Variants in THSD4 observed in about 807,000 individuals in gnomAD.
The protein encoded by THSD4 is thrombospondin type-1 domain-containing protein 4.
A neutral mutation model predicts 119.0 loss-of-function variants in THSD4; 69 were observed. The ratio of observed to expected loss-of-function variants is 0.58; its 90% CI spans 0.48 to 0.71. The LOEUF (loss-of-function observed/expected upper bound fraction) is 0.71, where lower values mean the gene tolerates loss of function less well. Ranked by LOEUF, THSD4 falls within the 30% of genes least tolerant of loss-of-function variation. THSD4 has a pLI of 0.00. For synonymous variants in THSD4, 524 were observed against 540.4 expected, an observed-to-expected ratio of 0.97 and a Z score of 0.42; for missense variants, 1,393 against 1,391.1, an observed-to-expected ratio of 1.00 and a Z score of -0.02.
chr15:71,438,132 G>A (rs865832150), intron 7 of THSD4, among the ~76,000 whole-genome samples: 2 of 152,028 alleles, frequency 1.3e-5, no homozygotes, highest in Non-Finnish European at 2.9e-5. Context: ...TGCCCTCCTC[G>A]CCCTCGCCCT....
rs142028973 is a variant in THSD4 at position 71,580,304 on chromosome 15, G to A, written c.1153-80226G>A. Among the ~76,000 whole-genome samples the A allele has an allele frequency of 3.2e-3, 491 of 152,214 alleles. 1 individual carries two copies. The highest frequency in any genetic ancestry group is 0.011 in the African/African-American group (469 of 41,538). On this transcript the variant is annotated intron_variant, in intron 7 of 17. Coordinates refer to ENST00000261862, the MANE Select transcript of THSD4 (RefSeq NM_024817.3). ...AAATCCTTAAATGGCAGACTCTAAG[G>A]CGGTTAGGCTCCAGAGTCTAAGCTT... is the stretch of plus-strand genomic sequence containing the variant.
At chr15:71,397,149 G>A (rs548885947) in intron 6 of THSD4, among the ~76,000 whole-genome samples, 11 of 152,268 alleles carry the variant, frequency 7.2e-5, no homozygotes, top group Admixed American at 6.5e-4. Context: ...TTCTACTTCA[G>A]CGATGAGGAA....
intron 3 of THSD4, among the ~76,000 whole-genome samples, chr15:71,190,808 C>T (rs1394235326): frequency 6.6e-6 from 1 of 152,116 alleles, no homozygotes; most frequent in African/African-American, 2.4e-5. Flanking sequence ...GCTTTCTTAC[C>T]TTTTGTGAAT....
intron 7 of THSD4, among the ~76,000 whole-genome samples, chr15:71,459,354 C>G (rs1310615902): frequency 5.6e-5 from 8 of 144,022 alleles, no homozygotes; most frequent in South Asian, 2.4e-4. Flanking sequence ...CTGTCTCTCT[C>G]TCTCTCTCTG....
chr15:71,654,894 C>G (rs1460401534), intron 7 of THSD4, among the ~76,000 whole-genome samples: 1 of 152,128 alleles, frequency 6.6e-6, no homozygotes, highest in Non-Finnish European at 1.5e-5. Flanking sequence ...GAATCAGGAC[C>G]TCCACTATCT....
Position 71,541,447 on chromosome 15 carries a change from C to A in THSD4, c.1153-119083C>A, listed in dbSNP as rs144851742. Among the ~76,000 whole-genome samples the A allele has an allele frequency of 3.9e-3, 598 of 152,310 alleles. 3 individuals carry two copies. Among genetic ancestry groups the A allele is most frequent in the African/African-American group, 0.014 (584 of 41,568 alleles). ...TTTCTGTCCTGAAGCAACTCAGTTT[C>A]CCTCCCTAGAGGTAACCATTGTTGG... On this transcript the variant is annotated intron_variant, in intron 7 of 17. Transcript: ENST00000261862.
rs1353056178 is a variant in THSD4 at position 71,651,188 on chromosome 15, A to G, written c.1153-9342A>G. ...CAGGCCAGGAACCTTGGTCTTCCTT[A>G]CTCCACCTTTGGTAGAACATCCATC... On this transcript the variant is annotated intron_variant, in intron 7 of 17. Coordinates refer to ENST00000261862, the MANE Select transcript of THSD4 (RefSeq NM_024817.3). Among the ~76,000 whole-genome samples, 4 of 152,216 alleles carry G rather than the reference A, an allele frequency of 2.6e-5. No individual in the cohort carries two copies. The East Asian group carries it at 7.7e-4, about 29-fold the overall frequency.
At chr15:71,227,087 A>T (rs1263924102) in intron 4 of THSD4, among the ~76,000 whole-genome samples, 1 of 152,226 alleles carries the variant, frequency 6.6e-6, no homozygotes, top group Non-Finnish European at 1.5e-5. Context: ...TAGCAGAGCT[A>T]GGCCTGATGG....
intron 16 of THSD4, among the ~76,000 whole-genome samples, chr15:71,770,268 G>A (rs1473580050): frequency 1.8e-5 from 2 of 108,708 alleles, no homozygotes; most frequent in Admixed American, 9.9e-5. Context: ...AAAAAAAAAG[G>A]ACTTTCTCAA....
At chr15:71,497,411 G>A (rs1214610108) in intron 7 of THSD4, among the ~76,000 whole-genome samples, 2 of 152,084 alleles carry the variant, frequency 1.3e-5, no homozygotes, top group African/African-American at 2.4e-5. Flanking sequence ...TACTTGGGAA[G>A]CTGAGGCAGG....
rs796266073 is a variant in THSD4, at chr15:71,395,914, G to C, written c.1016-15773G>C. On this transcript the variant is annotated intron_variant, in intron 6 of 17. Transcript: ENST00000261862. ...TCTGCTTCTCAGTGTTTTGAAGAGA[G>C]ACACACACACACACACACACACACA... Among the ~76,000 whole-genome samples the C allele has an allele frequency of 6.0e-3, 799 of 133,380 alleles. 14 individuals carry two copies. Among genetic ancestry groups the C allele is most frequent in the African/African-American group, 0.016 (555 of 34,670 alleles). 87.5% of individuals were successfully genotyped at this position (133,380 alleles called of 152,430 possible).
At chr15:71,186,701 C>T (rs1478717017) in intron 3 of THSD4, 2 of 152,230 alleles carry the variant, frequency 1.3e-5, no homozygotes, top group African/African-American at 2.4e-5. Flanking sequence ...TGGTTCAAGT[C>T]TGTATTCCCA....
chr15:71,728,472 A>G (rs1464303104), intron 8 of THSD4, 77 bp from the exon 9 acceptor site: 8 of 1,544,450 alleles, frequency 5.2e-6, no homozygotes, highest in African/African-American at 1.4e-5. Context: ...TGAAGAAGCC[A>G]GAAACTGGGG....
intron 6 of THSD4, among the ~76,000 whole-genome samples, chr15:71,325,927 T>C (rs1257946766): frequency 6.6e-6 from 1 of 152,200 alleles, no homozygotes; most frequent in Non-Finnish European, 1.5e-5. Flanking sequence ...TTTTTTTTCC[T>C]CACCCCTGAG....
chr15:71,631,768 A>G (rs1194826207), intron 7 of THSD4, among the ~76,000 whole-genome samples: 1 of 152,172 alleles, frequency 6.6e-6, no homozygotes, highest in Non-Finnish European at 1.5e-5. Flanking sequence ...GTGATGTCCC[A>G]CCATTTTCCT....
At chr15:71,585,637 G>C (rs982533791) in intron 7 of THSD4, among the ~76,000 whole-genome samples, 3 of 152,132 alleles carry the variant, frequency 2.0e-5, no homozygotes, top group Non-Finnish European at 2.9e-5. Flanking sequence ...GAATTGTAAA[G>C]TTTCTTGTCA....
rs1159031296 is a variant in THSD4 at position 71,515,324 on chromosome 15, T to C, written c.1152+103501T>C. 2.6e-5 allele frequency among the ~76,000 whole-genome samples: 4 copies of C among 152,338 alleles called. No individual in the cohort carries two copies. The East Asian group carries it at 7.7e-4, about 29-fold the overall frequency. ...TGAATTCCCTTTTGGATTCTGCTAGTTTGAAATGAAAACCATTTCTTTAAA... is the reference window on the plus strand; with the variant it reads ...TGAATTCCCTTTTGGATTCTGCTAGCTTGAAATGAAAACCATTTCTTTAAA... On this transcript the variant is annotated intron_variant, in intron 7 of 17. Coordinates refer to ENST00000261862, the MANE Select transcript of THSD4 (RefSeq NM_024817.3).
chr15:71,143,720 C>G (rs1335495259), intron 2 of THSD4, among the ~76,000 whole-genome samples: 1 of 50,946 alleles, frequency 2.0e-5, no homozygotes, highest in Non-Finnish European at 4.1e-5. Flanking sequence ...TTTTTTTTTT[C>G]AAAAGAGACA....
chr15:71,530,296 G>A (rs927919934), intron 7 of THSD4, among the ~76,000 whole-genome samples: 1 of 152,146 alleles, frequency 6.6e-6, no homozygotes, highest in South Asian at 2.1e-4. Context: ...CCAGCAAGTT[G>A]AGGTTAGCAG....
Sources: allele counts gnomAD v4.1 joint callset (sites outside exome capture counted in the v4.1 genomes callset), GRCh38; gene constraint gnomAD v4.1.1; transcripts MANE v1.5; gene names NCBI Gene and HGNC (gene_info 2026-07-23, HGNC 2026-07-21).